ADSS2: variants seen among roughly 807,000 people sequenced by gnomAD.
ADSS2 encodes adenylosuccinate synthetase isozyme 2.
A neutral mutation model predicts 60.0 loss-of-function variants in ADSS2; 30 were observed. The ratio of observed to expected loss-of-function variants is 0.50; its 90% CI spans 0.37 to 0.68. The LOEUF is 0.68. ADSS2 is among the 30% of genes least tolerant of loss of function. The probability of loss-of-function intolerance (pLI) is 0.00; values close to 1 mark genes in which losing one functional copy is unlikely to be tolerated. For missense variants in ADSS2, 373 were observed against 554.8 expected, an observed-to-expected ratio of 0.67 and a Z score of 3.29; for synonymous variants, 187 against 193.1, an observed-to-expected ratio of 0.97 and a Z score of 0.26.
At chr1:244,423,393 T>C (rs1664719505) in intron 6 of ADSS2, among the ~76,000 whole-genome samples, 1 of 152,220 alleles carries the variant, frequency 6.6e-6, no homozygotes, top group South Asian at 2.1e-4. Flanking sequence ...ATAGCTTTGA[T>C]GCCACTTGTT....
chr1:244,444,631 T>C (rs1572149008), intron 1 of ADSS2, among the ~76,000 whole-genome samples: 1 of 150,796 alleles, frequency 6.6e-6, no homozygotes, highest in East Asian at 1.9e-4. Flanking sequence ...AACATCATGA[T>C]AGAAACAAAA....
intron 8 of ADSS2, 147 bp from the exon 9 acceptor site, chr1:244,419,061 T>C: frequency 1.3e-6 from 1 of 746,434 alleles, no homozygotes; most frequent in African/African-American, 1.8e-5. Context: ...CTCAGTGTTT[T>C]ACTTTTTATT....
intron 11 of ADSS2, among the ~76,000 whole-genome samples, chr1:244,414,088 TC>T (rs2147987629): frequency 6.6e-6 from 1 of 152,228 alleles, no homozygotes; most frequent in South Asian, 2.1e-4. Context: ...TTCAAGATGA[TC>T]AGTGAATAAT....
At chr1:244,414,254 T>C (rs983886046) in intron 11 of ADSS2, among the ~76,000 whole-genome samples, 1 of 151,878 alleles carries the variant, frequency 6.6e-6, no homozygotes, top group Non-Finnish European at 1.5e-5. Flanking sequence ...AGCAAAAGAA[T>C]AGTCAAGAGA....
intron 1 of ADSS2, among the ~76,000 whole-genome samples, chr1:244,449,068 T>C (rs2148017753): frequency 6.6e-6 from 1 of 152,316 alleles, no homozygotes; most frequent in Admixed American, 6.5e-5. Context: ...CCTACATATT[T>C]ATGGATCTGG....
At chr1:244,441,368 TTTA>T (rs1665244550) in intron 1 of ADSS2, among the ~76,000 whole-genome samples, 1 of 152,190 alleles carries the variant, frequency 6.6e-6, no homozygotes, top group African/African-American at 2.4e-5. Flanking sequence ...AACTTAGTCT[TTTA>T]AAAATAACTC....
At chr1:244,441,604 G>A (rs572895931) in intron 1 of ADSS2, among the ~76,000 whole-genome samples, 12 of 152,128 alleles carry the variant, frequency 7.9e-5, no homozygotes, top group African/African-American at 2.9e-4. Context: ...AGCCTCCTGA[G>A]TCCCTGAGAC....
At chr1:244,410,215 CT>C (rs1213741271) in intron 12 of ADSS2, among the ~76,000 whole-genome samples, 35 of 152,064 alleles carry the variant, frequency 2.3e-4, no homozygotes, top group Admixed American at 2.3e-3. Context: ...AATATGCTTA[CT>C]AAATTTGACA....
rs532443513 is a variant in ADSS2 at position 244,447,561 on chromosome 1, C to T, written c.183+4074G>A. 4.6e-5 allele frequency among the ~76,000 whole-genome samples: 7 copies of T among 152,202 alleles called. No individual in the cohort carries two copies. The South Asian group carries it at 1.5e-3, about 32-fold the overall frequency. On this transcript the variant is annotated intron_variant, in intron 1 of 12. Transcript: ENST00000366535. ...CGGGGAATAACTAGTTACTAGAACC[C>T]CACATGGTATTCAGTCGAAATATGT...
At position 244,436,897 on chromosome 1, in the gene ADSS2, A is replaced by G; in HGVS notation, c.287-4T>C. 1 of 1,610,622 alleles carries G rather than the reference A, an allele frequency of 6.2e-7. No individual in the cohort carries two copies. ...AGATGAATTACCACACCATTTCCTA[A>G]AGGAAAACCAACAAATCCCAACGGT... On this transcript the variant is annotated splice_polypyrimidine_tract_variant and splice_region_variant and intron_variant, in intron 2 of 12. Coordinates refer to ENST00000366535, the MANE Select transcript of ADSS2 (RefSeq NM_001126.5).
chr1:244,427,524 T>C (rs545796554), intron 4 of ADSS2, among the ~76,000 whole-genome samples: 36 of 152,238 alleles, frequency 2.4e-4, no homozygotes, highest in African/African-American at 8.7e-4. Context: ...AAGGATGAAA[T>C]TGTCACAATG....
At chr1:244,411,005 C>A (rs1376774488) in intron 12 of ADSS2, among the ~76,000 whole-genome samples, 1 of 151,940 alleles carries the variant, frequency 6.6e-6, no homozygotes, top group Non-Finnish European at 1.5e-5. Flanking sequence ...GTGGGCAGAC[C>A]AAGAGGTCAG....
At chr1:244,419,388 A>G (rs769292176) in intron 8 of ADSS2, 1 of 152,646 alleles carries the variant, frequency 6.6e-6, no homozygotes, top group Non-Finnish European at 1.5e-5. Context: ...CCCTCCAATT[A>G]TAAGAGCTAA....
chr1:244,424,170 T>C, intron 5 of ADSS2, 110 bp from the exon 6 acceptor site: 1 of 1,188,026 alleles, frequency 8.4e-7, no homozygotes, highest in Non-Finnish European at 1.2e-6. Context: ...GTTTATGTTA[T>C]TTCTTGCTAA....
At chr1:244,411,857 C>T (rs1175574716) in intron 11 of ADSS2, among the ~76,000 whole-genome samples, 2 of 152,204 alleles carry the variant, frequency 1.3e-5, no homozygotes, top group Non-Finnish European at 2.9e-5. Context: ...TCTGAGAAAT[C>T]TAGGGTTCTA....
intron 1 of ADSS2, among the ~76,000 whole-genome samples, chr1:244,447,488 G>A (rs1665422857): frequency 6.6e-6 from 1 of 152,090 alleles, no homozygotes. Flanking sequence ...TTTACTAACT[G>A]CAATAGGACA....
At chr1:244,447,001 T>C (rs1386359558) in intron 1 of ADSS2, among the ~76,000 whole-genome samples, 4 of 152,222 alleles carry the variant, frequency 2.6e-5, no homozygotes, top group Non-Finnish European at 4.4e-5. Context: ...AATTTTGTTA[T>C]ATGAATCAAA....
At position 244,437,585 on chromosome 1, in the gene ADSS2, A is replaced by G; in HGVS notation, c.286+81T>C. Reference sequence around the variant, plus strand: ...GAACCATCTGGTCAGTGAGAGATGAAAACAGTTTTGACAATAAAAAATAAA... The same window carrying G: ...GAACCATCTGGTCAGTGAGAGATGAGAACAGTTTTGACAATAAAAAATAAA... On this transcript the variant is annotated intron_variant, in intron 2 of 12. Coordinates refer to ENST00000366535, the MANE Select transcript of ADSS2 (RefSeq NM_001126.5). The G allele has an allele frequency of 3.9e-6, 4 of 1,013,792 alleles. No homozygotes were observed. In the Admixed American group the frequency reaches 7.2e-5, roughly 18 times the overall value. The allele number at this position is 1,013,792 out of a possible 1,614,324, so 62.8% of individuals were successfully genotyped here.
chr1:244,432,657 T>G, intron 3 of ADSS2, 62 bp from the exon 4 acceptor site: 1 of 883,316 alleles, frequency 1.1e-6, no homozygotes, highest in Non-Finnish European at 1.7e-6. Flanking sequence ...AAAATCTTAA[T>G]TTCTTTTTTT....
Sources: gnomAD v4.1 joint callset for allele counts (sites outside exome capture counted in the v4.1 genomes callset) on GRCh38, gnomAD v4.1.1 for gene constraint, MANE v1.5 for transcripts, NCBI Gene and HGNC (gene_info 2026-07-23, HGNC 2026-07-21) for gene names.